ADAM32: variants seen among roughly 807,000 people sequenced by gnomAD.
The protein encoded by ADAM32 is ADAM metallopeptidase domain 32.
In ADAM32, 89 loss-of-function variants were observed where a neutral mutation model predicts 114.9. The ratio of observed to expected loss-of-function variants is 0.77; its 90% CI spans 0.65 to 0.92. The LOEUF (loss-of-function observed/expected upper bound fraction) is 0.92, where lower values mean the gene tolerates loss of function less well. ADAM32 is among the 40% of genes least tolerant of loss of function. The probability of loss-of-function intolerance (pLI) is 0.00; values close to 1 mark genes in which losing one functional copy is unlikely to be tolerated. For synonymous variants in ADAM32, 285 were observed against 307.5 expected, an observed-to-expected ratio of 0.93 and a Z score of 0.77; for missense variants, 870 against 932.8, an observed-to-expected ratio of 0.93 and a Z score of 0.88.
At chr8:39,144,497 C>T (rs1803377730) in intron 3 of ADAM32, among the ~76,000 whole-genome samples, 1 of 152,194 alleles carries the variant, frequency 6.6e-6, no homozygotes, top group African/African-American at 2.4e-5. Context: ...TTATGGCTCC[C>T]TGTTGGAGAT....
intron 11 of ADAM32, among the ~76,000 whole-genome samples, chr8:39,199,890 C>T (rs1300054294): frequency 4.0e-5 from 6 of 151,076 alleles, no homozygotes; most frequent in South Asian, 4.2e-4. Flanking sequence ...TTTGTCCTTG[C>T]GATAGTTTGC....
chr8:39,273,115 T>C (rs1009309529), intron 20 of ADAM32, among the ~76,000 whole-genome samples: 1 of 152,146 alleles, frequency 6.6e-6, no homozygotes, highest in Non-Finnish European at 1.5e-5. Context: ...CAATGCCACC[T>C]TCTGGATTCG....
chr8:39,159,221 G>A (rs538170369), intron 6 of ADAM32, among the ~76,000 whole-genome samples: 93 of 152,306 alleles, frequency 6.1e-4, no homozygotes, highest in African/African-American at 2.2e-3. Context: ...CTTTTCTAAA[G>A]TAAAGAAATA....
chr8:39,270,692 G>T (rs1467189754), intron 19 of ADAM32, among the ~76,000 whole-genome samples, 184 bp from the exon 20 acceptor site: 1 of 152,106 alleles, frequency 6.6e-6, no homozygotes, highest in East Asian at 1.9e-4. Flanking sequence ...TATGGATGAG[G>T]TATATGGGTA....
At chr8:39,129,176 C>G (rs1213720261) in intron 2 of ADAM32, among the ~76,000 whole-genome samples, 1 of 150,044 alleles carries the variant, frequency 6.7e-6, no homozygotes, top group Non-Finnish European at 1.5e-5. Context: ...CAGGATCATG[C>G]CACTGCAAAT....
intron 19 of ADAM32, among the ~76,000 whole-genome samples, chr8:39,265,926 A>G (rs1030851186): frequency 6.6e-6 from 1 of 152,178 alleles, no homozygotes; most frequent in African/African-American, 2.4e-5. Context: ...TATGAAGCTT[A>G]GTTTGGCTGG....
chr8:39,151,676 T>TTC (rs1491182288), intron 6 of ADAM32, 128 bp downstream of exon 6: 1 of 363,864 alleles, frequency 2.7e-6, no homozygotes. Context: ...ACATCTTATC[T>TTC]TTTTTTTTTT....
At chr8:39,113,204 G>A (rs118094137) in intron 1 of ADAM32, among the ~76,000 whole-genome samples, 20 of 152,300 alleles carry the variant, frequency 1.3e-4, no homozygotes, top group Non-Finnish European at 2.5e-4. Flanking sequence ...AACCTAGGCC[G>A]TTCAGTCAAA....
At chr8:39,109,131 T>C (rs1266554811) in intron 1 of ADAM32, among the ~76,000 whole-genome samples, 2 of 152,242 alleles carry the variant, frequency 1.3e-5, no homozygotes, top group Non-Finnish European at 2.9e-5. Context: ...AGAACTGCCT[T>C]ATACATGAAC....
At chr8:39,191,322 T>C (rs1392752988) in intron 11 of ADAM32, among the ~76,000 whole-genome samples, 1 of 152,232 alleles carries the variant, frequency 6.6e-6, no homozygotes, top group East Asian at 1.9e-4. Flanking sequence ...TTTTGAGGAA[T>C]CAACACACGT....
At chr8:39,217,236 T>C (rs981693505) in intron 12 of ADAM32, among the ~76,000 whole-genome samples, 1 of 152,126 alleles carries the variant, frequency 6.6e-6, no homozygotes, top group Non-Finnish European at 1.5e-5. Context: ...CTGCCAGACA[T>C]ATTGAATCTC....
intron 5 of ADAM32, among the ~76,000 whole-genome samples, chr8:39,150,317 G>A (rs955940382): frequency 6.6e-6 from 1 of 152,022 alleles, no homozygotes; most frequent in Admixed American, 6.6e-5. Flanking sequence ...GTAGATTAGG[G>A]TAATCTTTTA....
At position 39,193,076 on chromosome 8, in the gene ADAM32, A is replaced by G. The variant is rs537484152; in HGVS notation, c.1052+6031A>G. On this transcript the variant is annotated intron_variant, in intron 11 of 24. Transcript: ENST00000379907. ...AATGTTGGCCTCTCTAGCTAGGATG[A>G]TATCCTGAAATATGTTTTCCAAGTT... is the stretch of plus-strand genomic sequence containing the variant. Among the ~76,000 whole-genome samples the G allele has an allele frequency of 1.6e-4, 24 of 152,204 alleles. No homozygotes were observed. In the South Asian group the frequency reaches 4.8e-3, roughly 30 times the overall value.
At chr8:39,154,288 T>C (rs1804013657) in intron 6 of ADAM32, among the ~76,000 whole-genome samples, 1 of 151,614 alleles carries the variant, frequency 6.6e-6, no homozygotes, top group East Asian at 1.9e-4. Context: ...GAACATGTGG[T>C]GTGTGGTTTT....
intron 14 of ADAM32, among the ~76,000 whole-genome samples, chr8:39,229,536 G>A (rs1340339318): frequency 1.3e-5 from 2 of 152,186 alleles, no homozygotes; most frequent in Non-Finnish European, 2.9e-5. Flanking sequence ...CCAAAAGTGA[G>A]CAGGGGTAGC....
intron 2 of ADAM32, among the ~76,000 whole-genome samples, chr8:39,119,079 T>C (rs1343289967): frequency 6.6e-6 from 1 of 152,230 alleles, no homozygotes; most frequent in Non-Finnish European, 1.5e-5. Context: ...TATTAATTTT[T>C]ATATCTTATA....
chr8:39,169,998 G>A lies in ADAM32; in HGVS notation c.915+1G>A. 6.4e-7 allele frequency: 1 copy of A among 1,566,552 alleles called. No homozygotes were observed. Among genetic ancestry groups the A allele is most frequent in the Non-Finnish European group, 8.7e-7 (1 of 1,146,312 alleles). On this transcript the variant is annotated splice_donor_variant, in intron 10 of 24. Transcript: ENST00000379907. LOFTEE classifies it high-confidence loss of function. Reference sequence around the variant, plus strand: ...TCGTTATTCTGCAGGAGTTGCATTGGTATGTAACTATTTAATCTTATTTTT... The same window carrying A: ...TCGTTATTCTGCAGGAGTTGCATTGATATGTAACTATTTAATCTTATTTTT...
chr8:39,147,116 T>C lies in ADAM32; in HGVS notation c.201-14T>C. On this transcript the variant is annotated splice_polypyrimidine_tract_variant and intron_variant, in intron 3 of 24. Coordinates refer to ENST00000379907, the MANE Select transcript of ADAM32 (RefSeq NM_145004.7). The stretch of plus-strand genomic sequence containing the variant: ...AAGAATAATTAAAAAAATTTCCTCT[T>C]TTTTTATATTCAGATATTTTTTAGC... 1 of 949,746 alleles carries C rather than the reference T, an allele frequency of 1.1e-6. No individual in the cohort carries two copies. Among genetic ancestry groups the C allele is most frequent in the African/African-American group, 1.7e-5 (1 of 59,318 alleles). 58.8% of individuals were successfully genotyped at this position (949,746 alleles called of 1,614,324 possible). A position where few individuals can be genotyped will look rare whatever the true frequency, so the allele number is the denominator to read the frequency against.
chr8:39,186,837 T>A (rs1806271999), intron 10 of ADAM32, 72 bp from the exon 11 acceptor site: 1 of 1,256,688 alleles, frequency 8.0e-7, no homozygotes, highest in East Asian at 2.5e-5. Flanking sequence ...AAAATATTCA[T>A]AATTAGAAAA....
Sources: gnomAD v4.1 joint callset for allele counts (sites outside exome capture counted in the v4.1 genomes callset) on GRCh38, gnomAD v4.1.1 for gene constraint, MANE v1.5 for transcripts, NCBI Gene and HGNC (gene_info 2026-07-23, HGNC 2026-07-21) for gene names.